The following RBMS1 variants were observed in gnomAD, a reference collection of about 807,000 sequenced individuals.
RBMS1 encodes RNA-binding motif, single-stranded-interacting protein 1.
In RBMS1, 17 loss-of-function variants were observed where a neutral mutation model predicts 62.3. That is an observed-to-expected ratio of 0.27 (90% confidence interval 0.19 to 0.41). RBMS1 has a LOEUF of 0.41. RBMS1 is among the 10% of genes least tolerant of loss of function. The pLI, the probability that RBMS1 is intolerant of heterozygous loss-of-function variation, is 1.00. For missense variants in RBMS1, 334 were observed against 504.5 expected, an observed-to-expected ratio of 0.66 and a Z score of 3.24; for synonymous variants, 172 against 170.0, an observed-to-expected ratio of 1.01 and a Z score of -0.09.
intron 1 of RBMS1, among the ~76,000 whole-genome samples, chr2:160,379,888 CAG>C (rs1694191505): frequency 1.3e-5 from 2 of 152,150 alleles, no homozygotes. Flanking sequence ...GCCTCTAGAA[CAG>C]AGACCCAGGA....
intron 1 of RBMS1, among the ~76,000 whole-genome samples, chr2:160,373,001 A>G (rs1020774390): frequency 6.6e-6 from 1 of 152,212 alleles, no homozygotes; most frequent in African/African-American, 2.4e-5. Context: ...GATAACAAGG[A>G]TATCAAAGCT....
At chr2:160,281,758 C>G (rs1042213640) in intron 9 of RBMS1, 1 of 178,472 alleles carries the variant, frequency 5.6e-6, no homozygotes, top group Middle Eastern at 2.4e-3. Context: ...AGATGAATGA[C>G]GATTAATTCC....
chr2:160,311,453 A>C (rs1265461466), intron 4 of RBMS1, among the ~76,000 whole-genome samples: 2 of 151,896 alleles, frequency 1.3e-5, no homozygotes, highest in East Asian at 1.9e-4. Context: ...TGGTTTTTCA[A>C]CATCCTTAAG....
At chr2:160,344,960 G>A (rs768869755) in intron 2 of RBMS1, among the ~76,000 whole-genome samples, 1 of 152,102 alleles carries the variant, frequency 6.6e-6, no homozygotes, top group Non-Finnish European at 1.5e-5. Flanking sequence ...TTCTAGCTAT[G>A]AGTCTCTTAG....
At position 160,350,637 on chromosome 2, in the gene RBMS1, C is replaced by T. The variant is rs184139938; in HGVS notation, c.251+16579G>A. On this transcript the variant is annotated intron_variant, in intron 2 of 13. Coordinates refer to ENST00000348849, the MANE Select transcript of RBMS1 (RefSeq NM_016836.4). Reference sequence around the variant, plus strand: ...GCTTCCAGAAGAATGTTCCTTCATGCTCAAGGCTGGGAATTTATCAAGAGG... The same window carrying T: ...GCTTCCAGAAGAATGTTCCTTCATGTTCAAGGCTGGGAATTTATCAAGAGG... 1.2e-4 allele frequency among the ~76,000 whole-genome samples: 19 copies of T among 152,204 alleles called. No homozygotes were observed. In the East Asian group the frequency reaches 2.3e-3, roughly 19 times the overall value.
At chr2:160,331,082 C>T (rs897694126) in intron 2 of RBMS1, among the ~76,000 whole-genome samples, 2 of 152,208 alleles carry the variant, frequency 1.3e-5, no homozygotes, top group South Asian at 2.1e-4. Flanking sequence ...CATGTTCCCC[C>T]ACAGGTTTCA....
intron 1 of RBMS1, among the ~76,000 whole-genome samples, chr2:160,479,192 C>G (rs1040695879): frequency 3.3e-5 from 5 of 152,210 alleles, no homozygotes; most frequent in Non-Finnish European, 7.3e-5. Context: ...TTTGGCCCCA[C>G]AGCCATAACA....
chr2:160,376,818 A>G (rs1694025033), intron 1 of RBMS1, among the ~76,000 whole-genome samples: 1 of 151,898 alleles, frequency 6.6e-6, no homozygotes, highest in Non-Finnish European at 1.5e-5. Context: ...TAAATAAATA[A>G]ATAAATAAAT....
intron 1 of RBMS1, among the ~76,000 whole-genome samples, chr2:160,378,942 G>A (rs966288295): frequency 2.6e-5 from 4 of 152,184 alleles, no homozygotes; most frequent in Non-Finnish European, 4.4e-5. Context: ...AATGTGGGCC[G>A]GACGTGGTGG....
At chr2:160,366,159 C>A (rs74589781) in intron 2 of RBMS1, among the ~76,000 whole-genome samples, 3,786 of 152,238 alleles carry the variant, frequency 0.025, 188 homozygotes, top group African/African-American at 0.087. Context: ...ACAAACACAG[C>A]ACAACAACCA....
rs1417472389 is a variant in RBMS1 at position 160,441,668 on chromosome 2, G to C, written c.75+51621C>G. ...TGAGCCCAAGATTTGAGGCTGCAGT[G>C]AGCTATGCTCACACCACTGCACTCC... On this transcript the variant is annotated intron_variant, in intron 1 of 13. Transcript: ENST00000348849. Among the ~76,000 whole-genome samples the C allele has an allele frequency of 2.6e-5, 4 of 152,332 alleles. No homozygotes were observed. The Middle Eastern group carries it at 0.01, about 389-fold the overall frequency.
chr2:160,320,761 C>G (rs1441148118), intron 2 of RBMS1, among the ~76,000 whole-genome samples: 2 of 152,092 alleles, frequency 1.3e-5, no homozygotes, highest in Non-Finnish European at 2.9e-5. Context: ...TCTTGTACAA[C>G]CGGCAGAACT....
At chr2:160,398,975 G>C (rs1695298218) in intron 1 of RBMS1, among the ~76,000 whole-genome samples, 1 of 151,960 alleles carries the variant, frequency 6.6e-6, no homozygotes, top group South Asian at 2.1e-4. Context: ...CTAAACTCAG[G>C]CTCTGCTCTC....
intron 1 of RBMS1, among the ~76,000 whole-genome samples, chr2:160,453,221 A>T (rs557495424): frequency 2.0e-5 from 3 of 152,132 alleles, no homozygotes; most frequent in South Asian, 2.1e-4. Flanking sequence ...GAAAAAAAAA[A>T]ATATGTGCAA....
chr2:160,319,016 G>A (rs767590176), intron 2 of RBMS1, among the ~76,000 whole-genome samples: 1 of 152,108 alleles, frequency 6.6e-6, no homozygotes, highest in Non-Finnish European at 1.5e-5. Context: ...ATAGATGCTG[G>A]GGAATATAGG....
chr2:160,377,435 G>T (rs1434276000), intron 1 of RBMS1, among the ~76,000 whole-genome samples: 1 of 152,160 alleles, frequency 6.6e-6, no homozygotes, highest in Non-Finnish European at 1.5e-5. Flanking sequence ...TTGGGGTGGG[G>T]TCAAGTTTCT....
At chr2:160,482,079 GATAC>G (rs1389715089) in intron 1 of RBMS1, among the ~76,000 whole-genome samples, 1 of 151,890 alleles carries the variant, frequency 6.6e-6, no homozygotes, top group Non-Finnish European at 1.5e-5. Flanking sequence ...TAATATAATG[GATAC>G]ATAAATTTTG....
At chr2:160,493,247 G>C in intron 1 of RBMS1, 42 bp downstream of exon 1, 1 of 1,584,758 alleles carries the variant, frequency 6.3e-7, no homozygotes, top group Non-Finnish European at 8.7e-7. Context: ...GCGTCCCCGG[G>C]CCCCCTCCTC....
At chr2:160,291,258 C>A (rs1481186128) in intron 6 of RBMS1, among the ~76,000 whole-genome samples, 3 of 152,136 alleles carry the variant, frequency 2.0e-5, no homozygotes, top group African/African-American at 7.2e-5. Flanking sequence ...TTCCAAACTT[C>A]CATCTTTCTA....
Sources: allele counts gnomAD v4.1 joint callset (sites outside exome capture counted in the v4.1 genomes callset), GRCh38; gene constraint gnomAD v4.1.1; transcripts MANE v1.5; gene names NCBI Gene and HGNC (gene_info 2026-07-23, HGNC 2026-07-21).